PLEKHM3: variants seen among roughly 807,000 people sequenced by gnomAD.
PLEKHM3 encodes the protein pleckstrin homology domain containing M3.
Under a neutral mutation model 81.8 loss-of-function variants are expected in PLEKHM3, and 45 were observed. That is an observed-to-expected ratio of 0.55 (90% CI 0.43 to 0.71). The LOEUF is 0.71. Among genes scored for constraint, PLEKHM3 ranks in the 30% least tolerant of loss-of-function variants. The pLI is 0.00. For synonymous variants in PLEKHM3, 352 were observed against 356.4 expected, an observed-to-expected ratio of 0.99 and a Z score of 0.14; for missense variants, 788 against 924.3, an observed-to-expected ratio of 0.85 and a Z score of 1.91.
intron 3 of PLEKHM3, among the ~76,000 whole-genome samples, chr2:207,956,479 A>G (rs939101808): frequency 6.6e-6 from 1 of 152,118 alleles, no homozygotes; most frequent in African/African-American, 2.4e-5. Flanking sequence ...TCTCAAAAAA[A>G]ATAAAAAAAG....
At chr2:207,878,361 C>T (rs1021948004) in intron 6 of PLEKHM3, among the ~76,000 whole-genome samples, 8 of 152,074 alleles carry the variant, frequency 5.3e-5, no homozygotes, top group African/African-American at 1.9e-4. Context: ...GTAATCTCAC[C>T]ACTTTGGGAG....
chr2:207,870,986 T>C (rs1056338293), intron 6 of PLEKHM3, among the ~76,000 whole-genome samples: 1 of 152,096 alleles, frequency 6.6e-6, no homozygotes, highest in Non-Finnish European at 1.5e-5. Flanking sequence ...TATGCACCTG[T>C]AGTCCAAGCT....
intron 6 of PLEKHM3, among the ~76,000 whole-genome samples, chr2:207,885,921 A>G (rs1343827177): frequency 2.6e-5 from 4 of 152,182 alleles, no homozygotes; most frequent in African/African-American, 9.7e-5. Flanking sequence ...GAGTCCATAC[A>G]CCGTTCCTGA....
At chr2:207,841,210 TAA>T (rs2092349449) in intron 7 of PLEKHM3, among the ~76,000 whole-genome samples, 1 of 151,294 alleles carries the variant, frequency 6.6e-6, no homozygotes, top group African/African-American at 2.4e-5. Flanking sequence ...CTCACGCCTG[TAA>T]TCCCAGCCCT....
intron 3 of PLEKHM3, among the ~76,000 whole-genome samples, chr2:207,969,206 G>A (rs1010675660): frequency 2.0e-5 from 3 of 152,156 alleles, no homozygotes; most frequent in African/African-American, 7.2e-5. Context: ...AATACACAAT[G>A]ACCCTTCTGG....
intron 6 of PLEKHM3, among the ~76,000 whole-genome samples, chr2:207,892,646 A>G (rs1458541663): frequency 6.6e-6 from 1 of 152,198 alleles, no homozygotes; most frequent in African/African-American, 2.4e-5. Context: ...AGCTGAATCA[A>G]CTTCTCTCGC....
At chr2:207,971,925 G>A (rs1250534882) in intron 3 of PLEKHM3, among the ~76,000 whole-genome samples, 1 of 152,166 alleles carries the variant, frequency 6.6e-6, no homozygotes, top group Non-Finnish European at 1.5e-5. Context: ...TACTTTTATA[G>A]GTCAAAAATG....
At chr2:207,969,659 A>G (rs1400792361) in intron 3 of PLEKHM3, among the ~76,000 whole-genome samples, 1 of 152,244 alleles carries the variant, frequency 6.6e-6, no homozygotes, top group African/African-American at 2.4e-5. Flanking sequence ...TTGAGCATAT[A>G]TAACTAGGAG....
intron 4 of PLEKHM3, among the ~76,000 whole-genome samples, chr2:207,938,387 C>T (rs573127525): frequency 6.6e-6 from 1 of 152,206 alleles, no homozygotes; most frequent in Non-Finnish European, 1.5e-5. Context: ...AGAGGGCAGG[C>T]CAGGAAATGC....
At position 207,843,465 on chromosome 2, in the gene PLEKHM3, C is replaced by A. The variant is rs774292640; in HGVS notation, c.2109-14969G>T. 2.6e-5 allele frequency among the ~76,000 whole-genome samples: 4 copies of A among 152,188 alleles called. No individual in the cohort carries two copies. The highest frequency in any genetic ancestry group is 4.4e-5 in the Non-Finnish European group (3 of 68,030). On this transcript the variant is annotated intron_variant, in intron 7 of 7. Transcript: ENST00000427836. This position sits in a 1 kb window ranked among gnomAD's most constrained non-coding sequence, Gnocchi z 4.4. The stretch of plus-strand genomic sequence containing the variant: ...AAACAGTATATCTTAAATGTGCTTT[C>A]AGGGAAGCCAGAGGAAGGGAAAAGT...
At chr2:207,889,434 A>AACACAC (rs35082335) in intron 6 of PLEKHM3, among the ~76,000 whole-genome samples, 12,541 of 128,886 alleles carry the variant, frequency 0.097, 849 homozygotes, top group East Asian at 0.16. Flanking sequence ...GGTTTTTTTC[A>AACACAC]ACACACACAC....
chr2:207,979,805 A>AGAGAAAAGGAGAGAAATGAGGCT, intron 2 of PLEKHM3, among the ~76,000 whole-genome samples: 1 of 152,202 alleles, frequency 6.6e-6, no homozygotes, highest in Non-Finnish European at 1.5e-5. Context: ...GCAAACCAAA[A>AGAGAAAAGGAGAGAAATGAGGCT]GAGAAAAGGA....
intron 7 of PLEKHM3, among the ~76,000 whole-genome samples, chr2:207,852,205 G>GA (rs764826901): frequency 2.6e-5 from 4 of 152,096 alleles, no homozygotes; most frequent in African/African-American, 7.2e-5. Flanking sequence ...AGATATAATG[G>GA]AAAAAACATG....
intron 6 of PLEKHM3, among the ~76,000 whole-genome samples, chr2:207,907,684 G>T (rs1688659270): frequency 6.6e-6 from 1 of 151,982 alleles, no homozygotes; most frequent in African/African-American, 2.4e-5. Context: ...ATTTTTAATT[G>T]GGAAAATTCA....
chr2:207,889,434 A>AACACACACACACACACACACACAC (rs35082335), intron 6 of PLEKHM3, among the ~76,000 whole-genome samples: 1 of 129,172 alleles, frequency 7.7e-6, no homozygotes, highest in Admixed American at 8.1e-5. Context: ...GGTTTTTTTC[A>AACACACACACACACACACACACAC]ACACACACAC....
At chr2:207,913,207 T>C (rs535227486) in intron 5 of PLEKHM3, among the ~76,000 whole-genome samples, 105 of 152,110 alleles carry the variant, frequency 6.9e-4, no homozygotes, top group African/African-American at 2.3e-3. Context: ...GTCTTTGGAA[T>C]GCTCAAGTGG....
intron 5 of PLEKHM3, among the ~76,000 whole-genome samples, chr2:207,928,083 C>T (rs187560865): frequency 1.5e-3 from 234 of 152,278 alleles, no homozygotes; most frequent in Non-Finnish European, 2.6e-3. Flanking sequence ...GTTACTAGCA[C>T]ACTTTTCTCT....
At chr2:207,919,378 AT>A (rs1559236664) in intron 5 of PLEKHM3, among the ~76,000 whole-genome samples, 2 of 152,114 alleles carry the variant, frequency 1.3e-5, no homozygotes, top group African/African-American at 4.8e-5. Flanking sequence ...AGGTGAAACT[AT>A]CCGTTTGGGC....
At chr2:207,953,145 G>A (rs940896986) in intron 3 of PLEKHM3, among the ~76,000 whole-genome samples, 4 of 121,538 alleles carry the variant, frequency 3.3e-5, no homozygotes, top group Non-Finnish European at 7.9e-5. Flanking sequence ...TGCGTGCCAC[G>A]TGTAATTGCT....
Sources: allele counts gnomAD v4.1 joint callset (sites outside exome capture counted in the v4.1 genomes callset), GRCh38; gene constraint gnomAD v4.1.1; non-coding constraint Gnocchi (gnomAD v3.1); transcripts MANE v1.5; gene names NCBI Gene and HGNC (gene_info 2026-07-23, HGNC 2026-07-21).